Variants in USH1C observed in about 807,000 individuals in gnomAD.
The protein encoded by USH1C is USH1 protein network component harmonin, also known as harmonin.
In USH1C, 90 loss-of-function variants were observed where a neutral mutation model predicts 119.3. The observed-to-expected ratio is 0.75, with a 90% CI of 0.64 to 0.90. The LOEUF (loss-of-function observed/expected upper bound fraction) is 0.90, where lower values mean the gene tolerates loss of function less well. Ranked by LOEUF, USH1C falls within the 40% of genes least tolerant of loss-of-function variation. The probability of loss-of-function intolerance (pLI) is 0.00; values close to 1 mark genes in which losing one functional copy is unlikely to be tolerated. For missense variants in USH1C, 1,165 were observed against 1,167.7 expected, an observed-to-expected ratio of 1.00 and a Z score of 0.03; for synonymous variants, 465 against 443.3, an observed-to-expected ratio of 1.05 and a Z score of -0.62.
intron 19 of USH1C, 152 bp downstream of exon 19, chr11:17,505,678 T>G: frequency 8.6e-7 from 1 of 1,159,138 alleles, no homozygotes; most frequent in Non-Finnish European, 1.2e-6. Context: ...CCATGTGGCC[T>G]CATCTCTTGG....
At chr11:17,512,109 A>C in intron 15 of USH1C, 55 bp from the exon 16 acceptor site, 1 of 1,592,988 alleles carries the variant, frequency 6.3e-7, no homozygotes, top group South Asian at 1.1e-5. Context: ...TGTCGACAGC[A>C]CAGCACACGG....
chr11:17,535,274 C>T (rs191851679), intron 1 of USH1C, among the ~76,000 whole-genome samples: 1 of 152,286 alleles, frequency 6.6e-6, no homozygotes, highest in African/African-American at 2.4e-5. Flanking sequence ...CAAAGTCCTC[C>T]TTTCAGTTCT....
intron 18 of USH1C, 22 bp from the exon 19 acceptor site, chr11:17,505,971 G>A (rs1328133845): frequency 6.2e-7 from 1 of 1,613,976 alleles, no homozygotes; most frequent in African/African-American, 1.3e-5. Context: ...GTTTAACAGG[G>A]ACCCAGGTGA....
In USH1C at chr11:17,494,184, T is replaced by C. The variant is rs1197536860; in HGVS notation, c.*148A>G. 1.0e-6 allele frequency: 1 copy of C among 1,002,042 alleles called. No individual in the cohort carries two copies. The highest frequency in any genetic ancestry group is 1.5e-6 in the Non-Finnish European group (1 of 651,618). The allele number at this position is 1,002,042 out of a possible 1,614,324, so 62.1% of individuals were successfully genotyped here. ...AGAGTGGCCCGAGCTGTTCCTTATC[T>C]GGCCCTGGTTCAGGGCCAAAGGGAG... On this transcript the variant is annotated 3_prime_UTR_variant, in exon 27 of 27. Coordinates refer to ENST00000005226, the MANE Select transcript of USH1C (RefSeq NM_153676.4).
At chr11:17,494,624 G>A (rs540965528) in intron 26 of USH1C, 29 of 585,618 alleles carry the variant, frequency 5.0e-5, no homozygotes, top group Middle Eastern at 4.6e-4. Flanking sequence ...GGAGGAACAG[G>A]GGCAAGAGTC....
At position 17,531,689 on chromosome 11, in the gene USH1C, C is replaced by T. The variant is rs1042900916; in HGVS notation, c.105-147G>A. On this transcript the variant is annotated intron_variant, in intron 2 of 26. Transcript: ENST00000005226. The surrounding 1 kb of genome is among the most constrained non-coding windows in gnomAD (Gnocchi z 4.2). ...CTGAAAAGCCCAGAGCTCTTCACAC[C>T]GGGCCAGTGCCTGAGAAGACTTTGT... 1.7e-5 allele frequency: 17 copies of T among 1,005,012 alleles called. No homozygotes were observed. The highest frequency in any genetic ancestry group is 9.7e-5 in the African/African-American group (6 of 61,894). 62.3% of individuals were successfully genotyped at this position (1,005,012 alleles called of 1,614,324 possible). A position where few individuals can be genotyped will look rare whatever the true frequency, so the allele number is the denominator to read the frequency against.
In USH1C at chr11:17,520,904, A is replaced by C; in HGVS notation, c.1176T>G (p.Ala392=). 1 of 1,614,128 alleles carries C rather than the reference A, an allele frequency of 6.2e-7. No individual in the cohort carries two copies. The highest frequency in any genetic ancestry group is 8.5e-7 in the Non-Finnish European group (1 of 1,179,984). The change falls in exon 14 of 27, where the codon GCT becomes GCG. Residue 392 remains alanine, a synonymous_variant. Coordinates refer to ENST00000005226, the MANE Select transcript of USH1C (RefSeq NM_153676.4). ...TGCGAAGGGGTACTGGGTGTACCTCAGCAGTGATGGTTTTAGGCAAGAGTA... is the reference window on the plus strand; with the variant it reads ...TGCGAAGGGGTACTGGGTGTACCTCCGCAGTGATGGTTTTAGGCAAGAGTA... ...EQLLLPKTIT[A]EVHPVPLRKP...
intron 23 of USH1C, among the ~76,000 whole-genome samples, chr11:17,499,648 G>A (rs1849364560): frequency 6.6e-6 from 1 of 152,212 alleles, no homozygotes; most frequent in African/African-American, 2.4e-5. Flanking sequence ...CTGATGGGCT[G>A]GGGCAGCTGC....
intron 1 of USH1C, among the ~76,000 whole-genome samples, chr11:17,540,337 C>A (rs944519052): frequency 6.6e-6 from 1 of 152,100 alleles, no homozygotes; most frequent in Non-Finnish European, 1.5e-5. Context: ...CTGTGCCTGG[C>A]ACAGCAATCA....
intron 23 of USH1C, among the ~76,000 whole-genome samples, chr11:17,498,697 CTCT>C (rs1245684932): frequency 2.0e-5 from 3 of 152,216 alleles, no homozygotes; most frequent in Non-Finnish European, 4.4e-5. Context: ...ACCTTGCTTT[CTCT>C]TCTTCTAGGT....
intron 20 of USH1C, among the ~76,000 whole-genome samples, chr11:17,502,226 G>C (rs1420854065): frequency 1.3e-5 from 2 of 152,198 alleles, no homozygotes; most frequent in South Asian, 4.1e-4. Flanking sequence ...CTGCTTCAGC[G>C]GCACAAGCGT....
At chr11:17,517,327 T>G in intron 14 of USH1C, 1 of 1,462,804 alleles carries the variant, frequency 6.8e-7, no homozygotes, top group South Asian at 1.2e-5. Flanking sequence ...GCTGGGTGTC[T>G]GCACTGCGGT....
chr11:17,506,171 A>T (rs886856105), intron 18 of USH1C, among the ~76,000 whole-genome samples: 1 of 152,186 alleles, frequency 6.6e-6, no homozygotes, highest in Non-Finnish European at 1.5e-5. Context: ...AGCGGCTCTA[A>T]GAAATTGGAC....
intron 1 of USH1C, among the ~76,000 whole-genome samples, chr11:17,539,213 A>G (rs1363348345): frequency 6.6e-6 from 1 of 152,100 alleles, no homozygotes; most frequent in African/African-American, 2.4e-5. Context: ...CTGTGCACAC[A>G]ACAGCACTTT....
intron 6 of USH1C, 96 bp downstream of exon 6, chr11:17,526,918 CAG>C: frequency 6.3e-7 from 1 of 1,576,318 alleles, no homozygotes; most frequent in South Asian, 1.2e-5. Flanking sequence ...TCCACTGGCC[CAG>C]AAGCAGGGCT....
intron 19 of USH1C, among the ~76,000 whole-genome samples, 166 bp downstream of exon 19, chr11:17,505,664 A>G (rs555691972): frequency 7.9e-5 from 12 of 152,388 alleles, no homozygotes; most frequent in Admixed American, 5.2e-4. Context: ...ACATCCACTT[A>G]CACCCATGTG....
At chr11:17,500,581 C>T (rs751093264) in intron 23 of USH1C, among the ~76,000 whole-genome samples, 5 of 152,184 alleles carry the variant, frequency 3.3e-5, no homozygotes, top group African/African-American at 7.2e-5. Flanking sequence ...GGGGTTTCCA[C>T]GTGCTGCTCC....
intron 1 of USH1C, 59 bp from the exon 2 acceptor site, chr11:17,533,381 C>A (rs1851083671): frequency 1.5e-6 from 2 of 1,291,650 alleles, no homozygotes; most frequent in Admixed American, 1.7e-5. Context: ...CCATAGCAGA[C>A]CTCAGGGAGG....
intron 2 of USH1C, among the ~76,000 whole-genome samples, chr11:17,532,607 T>C (rs1421218586): frequency 6.6e-6 from 1 of 152,194 alleles, no homozygotes; most frequent in Non-Finnish European, 1.5e-5. Context: ...GCCCCAAATC[T>C]TTCTTATCCT....
Sources: gnomAD v4.1 joint callset for allele counts (sites outside exome capture counted in the v4.1 genomes callset) on GRCh38, gnomAD v4.1.1 for gene constraint, Gnocchi (gnomAD v3.1) non-coding constraint, MANE v1.5 for transcripts, NCBI Gene and HGNC (gene_info 2026-07-23, HGNC 2026-07-21) for gene names.